Variants in C20orf96 observed in about 807,000 individuals in gnomAD.
The protein encoded by C20orf96 is chromosome 20 open reading frame 96, also known as uncharacterized protein C20orf96.
In C20orf96, 57 loss-of-function variants were observed where a neutral mutation model predicts 52.6. The ratio of observed to expected loss-of-function variants is 1.08; its 90% CI spans 0.88 to 1.35. C20orf96 has a LOEUF of 1.35. Ranked by LOEUF, C20orf96 falls within the 40% of genes most tolerant of loss-of-function variation. The pLI is 0.00. For synonymous variants in C20orf96, 168 were observed against 157.2 expected, an observed-to-expected ratio of 1.07 and a Z score of -0.51; for missense variants, 478 against 443.6, an observed-to-expected ratio of 1.08 and a Z score of -0.70.
chr20:285,482 T>A (rs976495234), intron 3 of C20orf96, among the ~76,000 whole-genome samples: 2 of 152,242 alleles, frequency 1.3e-5, no homozygotes, highest in African/African-American at 4.8e-5. Flanking sequence ...ATTACCTGTA[T>A]ATATCCGGTT....
intron 3 of C20orf96, among the ~76,000 whole-genome samples, chr20:288,420 G>C (rs371944306): frequency 6.6e-6 from 1 of 152,060 alleles, no homozygotes; most frequent in South Asian, 2.1e-4. Context: ...AGGGATGAGT[G>C]GGGAGGTCAT....
At chr20:286,634 G>A (rs1260575691) in intron 3 of C20orf96, among the ~76,000 whole-genome samples, 1 of 152,094 alleles carries the variant, frequency 6.6e-6, no homozygotes, top group Admixed American at 6.6e-5. Flanking sequence ...AAAGGAAACA[G>A]AGGTAGTCTA....
rs1299245912 is a variant in C20orf96 at position 290,271 on chromosome 20, C to T, written c.57G>A (p.Glu19=). Residue 19 remains glutamate, a synonymous_variant, in exon 2 of 11, where the codon GAG becomes GAA. Coordinates refer to ENST00000360321, the MANE Select transcript of C20orf96 (RefSeq NM_153269.3). ...CCCCAAGACTCACCGGAACCTGGAA[C>T]TCCTGGACTATGGAGTGAGTCCCAG... ...KHSGTHSIVQ[E]FQVPDYVPWQ... 1.2e-6 allele frequency: 2 copies of T among 1,612,606 alleles called. No individual in the cohort carries two copies. Among genetic ancestry groups the T allele is most frequent in the African/African-American group, 1.3e-5 (1 of 75,010 alleles).
intron 10 of C20orf96, among the ~76,000 whole-genome samples, chr20:274,365 C>T (rs539340876): frequency 6.6e-6 from 1 of 152,250 alleles, no homozygotes; most frequent in South Asian, 2.1e-4. Flanking sequence ...ACAGGGAGCC[C>T]AGTCCCTTTC....
At chr20:274,806 CTTTTTTT>C (rs998260104) in intron 10 of C20orf96, among the ~76,000 whole-genome samples, 7 of 145,574 alleles carry the variant, frequency 4.8e-5, no homozygotes, top group African/African-American at 1.5e-4. Context: ...TTTCTTTTTT[CTTTTTTT>C]TTTAATTAAA....
chr20:287,259 G>T lies in C20orf96; in HGVS notation c.187+2300C>A, dbSNP rs76269410. On this transcript the variant is annotated intron_variant, in intron 3 of 10. Transcript: ENST00000360321. ...AAATGGCCACACTTGTTTCCAGAGAGGCTGCATCATTTTACCTTCCCACCA... is the reference window on the plus strand; with the variant it reads ...AAATGGCCACACTTGTTTCCAGAGATGCTGCATCATTTTACCTTCCCACCA... 1.0e-3 allele frequency among the ~76,000 whole-genome samples: 155 copies of T among 152,330 alleles called. 1 individual carries two copies. In the East Asian group the frequency reaches 0.023, roughly 22 times the overall value.
intron 3 of C20orf96, among the ~76,000 whole-genome samples, chr20:286,521 T>A (rs2012389663): frequency 7.3e-6 from 1 of 137,702 alleles, no homozygotes; most frequent in South Asian, 2.2e-4. Flanking sequence ...AGAGAGAGAC[T>A]CTGTCTGAAA....
rs149300892 is a variant in C20orf96, at chr20:280,690, C to T, written c.307-1360G>A. Among the ~76,000 whole-genome samples, 3 of 152,316 alleles carry T rather than the reference C, an allele frequency of 2.0e-5. No individual in the cohort carries two copies. The East Asian group carries it at 5.8e-4, about 29-fold the overall frequency. ...AAAACTGCAAGGCATGGCTGAACCA[C>T]GTAGTGACTAAGACTTGGATGTTGA... On this transcript the variant is annotated intron_variant, in intron 4 of 10. Transcript: ENST00000360321.
At chr20:276,116 G>A (rs1385867670) in intron 9 of C20orf96, 30 bp from the exon 10 acceptor site, 1 of 1,601,816 alleles carries the variant, frequency 6.2e-7, no homozygotes, top group African/African-American at 1.5e-5. Context: ...AGGGGAGAAG[G>A]GAGAGGCAAA....
chr20:270,965 G>A lies in C20orf96; in HGVS notation c.*242C>T, dbSNP rs2011805490. 4 of 511,518 alleles carry A rather than the reference G, an allele frequency of 7.8e-6. No individual in the cohort carries two copies. Among genetic ancestry groups the A allele is most frequent in the Middle Eastern group, 5.1e-4 (1 of 1,976 alleles). The allele number at this position is 511,518 out of a possible 1,614,324, so 31.7% of individuals were successfully genotyped here. On this transcript the variant is annotated 3_prime_UTR_variant, in exon 11 of 11. Coordinates refer to ENST00000360321, the MANE Select transcript of C20orf96 (RefSeq NM_153269.3). ...CAACCAGAAAGAAGGGAAGAAGAGA[G>A]GAAAAAACCACAGGAAGAAAGAAAG...
intron 2 of C20orf96, 79 bp downstream of exon 2, chr20:290,180 C>A: frequency 8.5e-7 from 1 of 1,170,284 alleles, no homozygotes; most frequent in Non-Finnish European, 1.2e-6. Context: ...GCGGAGCAGT[C>A]ACGACCGTGA....
At position 281,304 on chromosome 20, in the gene C20orf96, T is replaced by C. The variant is rs139583884; in HGVS notation, c.307-1974A>G. ...AGGAGTTTACGGCTGCAGTGAGCTATGATTATGCCATTTCACTTTAGCCTG... is the reference window on the plus strand; with the variant it reads ...AGGAGTTTACGGCTGCAGTGAGCTACGATTATGCCATTTCACTTTAGCCTG... On this transcript the variant is annotated intron_variant, in intron 4 of 10. Coordinates refer to ENST00000360321, the MANE Select transcript of C20orf96 (RefSeq NM_153269.3). Among the ~76,000 whole-genome samples, 1,131 of 151,984 alleles carry C rather than the reference T, an allele frequency of 7.4e-3. 6 individuals are homozygous for C. Among genetic ancestry groups the C allele is most frequent in the Middle Eastern group, 0.034 (10 of 294 alleles).
At chr20:271,601 C>T (rs564692384) in intron 10 of C20orf96, among the ~76,000 whole-genome samples, 8 of 152,302 alleles carry the variant, frequency 5.3e-5, no homozygotes, top group African/African-American at 1.9e-4. Context: ...TCAAGATGAT[C>T]ACTGGCTTTG....
chr20:290,622 GA>G lies in C20orf96; in HGVS notation c.-13del, dbSNP rs1240233893. 6.2e-7 allele frequency: 1 copy of G among 1,602,560 alleles called. No homozygotes were observed. The highest frequency in any genetic ancestry group is 2.2e-5 in the East Asian group (1 of 44,516). The stretch of plus-strand genomic sequence containing the variant: ...AAGACATGCGCCATTGGGGAAAATG[GA>G]AGAGAAGTTGCGAGTCTGTGAGACC... On this transcript the variant is annotated 5_prime_UTR_variant, in exon 1 of 11. Coordinates refer to ENST00000360321, the MANE Select transcript of C20orf96 (RefSeq NM_153269.3).
chr20:287,566 C>T (rs1284017349), intron 3 of C20orf96, among the ~76,000 whole-genome samples: 1 of 152,036 alleles, frequency 6.6e-6, no homozygotes, highest in African/African-American at 2.4e-5. Flanking sequence ...CATAGTAGTC[C>T]TTTGTCAGAT....
rs562447255 is a variant in C20orf96, at chr20:290,713, AC to A, written c.-104del. On this transcript the variant is annotated 5_prime_UTR_variant, in exon 1 of 11. Coordinates refer to ENST00000360321, the MANE Select transcript of C20orf96 (RefSeq NM_153269.3). ...TTGTCTCAGTGTAGATCGCGCGGTA[AC>A]CCAGGCCACTCAGAAGTCCCGAGAC... 9.0e-4 allele frequency: 1,194 copies of A among 1,331,336 alleles called. 12 individuals are homozygous for A. In the African/African-American group the frequency reaches 0.024, roughly 26 times the overall value. 82.5% of individuals were successfully genotyped at this position (1,331,336 alleles called of 1,614,324 possible). A position where few individuals can be genotyped will look rare whatever the true frequency, so the allele number is the denominator to read the frequency against.
chr20:279,145 A>AGGGC, intron 5 of C20orf96, 27 bp downstream of exon 5: 1 of 1,442,930 alleles, frequency 6.9e-7, no homozygotes, highest in Non-Finnish European at 9.1e-7. Context: ...GGAGGGACGG[A>AGGGC]GGGCGGGCGG....
Position 275,926 on chromosome 20 carries a change from AGT to A in C20orf96, c.1031+40_1031+41del, listed in dbSNP as rs2012003187. On this transcript the variant is annotated intron_variant, in intron 10 of 10. Transcript: ENST00000360321. The stretch of plus-strand genomic sequence containing the variant: ...GAACAGAGAGCCTCCGTGAGCTCAG[AGT>A]GTGACTGGTTTAAGAGGCAGTGGCA... 3 of 1,562,016 alleles carry A rather than the reference AGT, an allele frequency of 1.9e-6. No individual in the cohort carries two copies. In the African/African-American group the frequency reaches 4.1e-5, roughly 21 times the overall value.
Position 277,562 on chromosome 20 carries a change from C to T in C20orf96, c.566-179G>A, listed in dbSNP as rs191760824. On this transcript the variant is annotated intron_variant, in intron 6 of 10. Coordinates refer to ENST00000360321, the MANE Select transcript of C20orf96 (RefSeq NM_153269.3). Reference sequence around the variant, plus strand: ...TTAAGGCTCTAGACGGTTTTCCACCCCTGCAGGAGAAGAGGCAATGCTGGG... The same window carrying T: ...TTAAGGCTCTAGACGGTTTTCCACCTCTGCAGGAGAAGAGGCAATGCTGGG... 3.1e-4 allele frequency among the ~76,000 whole-genome samples: 47 copies of T among 152,184 alleles called. No homozygotes were observed. In the South Asian group the frequency reaches 4.8e-3, roughly 15 times the overall value.
Sources: gnomAD v4.1 joint callset for allele counts (sites outside exome capture counted in the v4.1 genomes callset) on GRCh38, gnomAD v4.1.1 for gene constraint, MANE v1.5 for transcripts, NCBI Gene and HGNC (gene_info 2026-07-23, HGNC 2026-07-21) for gene names.